TGM7: variants seen among roughly 807,000 people sequenced by gnomAD.
The protein encoded by TGM7 is protein-glutamine gamma-glutamyltransferase Z.
Under a neutral mutation model 79.5 loss-of-function variants are expected in TGM7, and 74 were observed. The ratio of observed to expected loss-of-function variants is 0.93; its 90% CI spans 0.77 to 1.13. The LOEUF is 1.13. Among genes scored for constraint, TGM7 ranks in the 50% most tolerant of loss-of-function variants. The pLI is 0.00. For missense variants in TGM7, 912 were observed against 905.9 expected (o/e 1.01, Z -0.09); for synonymous variants, 354 against 362.5 (o/e 0.98, Z 0.27).
chr15:43,276,374 T>G lies in TGM7; in HGVS notation c.*81A>C, dbSNP rs1596457798. 1 of 1,501,628 alleles carries G rather than the reference T, an allele frequency of 6.7e-7. No homozygotes were observed. The highest frequency in any genetic ancestry group is 2.3e-5 in the East Asian group (1 of 43,950). The allele number at this position is 1,501,628 out of a possible 1,614,324, so 93.0% of individuals were successfully genotyped here. A position where few individuals can be genotyped will look rare whatever the true frequency, so the allele number is the denominator to read the frequency against. The stretch of plus-strand genomic sequence containing the variant: ...AGGCAGGCTAGAGAGAGGACAGAGG[T>G]GGAGCCAAGACGACATAGCCAGGAG... On this transcript the variant is annotated 3_prime_UTR_variant, in exon 13 of 13. Coordinates refer to ENST00000452443, the MANE Select transcript of TGM7 (RefSeq NM_052955.3).
intron 1 of TGM7, among the ~76,000 whole-genome samples, chr15:43,296,180 C>T (rs2042991136): frequency 6.6e-6 from 1 of 152,204 alleles, no homozygotes; most frequent in Non-Finnish European, 1.5e-5. Flanking sequence ...AATCCCAGCA[C>T]TTTGGGAGGC....
chr15:43,282,186 C>T (rs1294041500), intron 8 of TGM7, 100 bp from the exon 9 acceptor site: 10 of 1,490,606 alleles, frequency 6.7e-6, no homozygotes, highest in African/African-American at 2.8e-5. Context: ...GACTCTCACC[C>T]GTGGGATATC....
In TGM7 at chr15:43,281,929, G is replaced by A; in HGVS notation, c.1266C>T (p.Thr422=). 6.2e-7 allele frequency: 1 copy of A among 1,614,204 alleles called. No individual in the cohort carries two copies. Among genetic ancestry groups the A allele is most frequent in the Non-Finnish European group, 8.5e-7 (1 of 1,180,032 alleles). ...TGCTGATCTCCTTCCCGATGGAACTGGTGTTGTGGGCCAGGATTTCCTGGG... is the reference window on the plus strand; with the variant it reads ...TGCTGATCTCCTTCCCGATGGAACTAGTGTTGTGGGCCAGGATTTCCTGGG... ...GQAQEILAHN[T]SSIGKEISTK... The change falls in exon 9 of 13, where the codon ACC becomes ACT. Residue 422 remains threonine (T), a synonymous_variant. Coordinates refer to ENST00000452443, the MANE Select transcript of TGM7 (RefSeq NM_052955.3).
intron 1 of TGM7, among the ~76,000 whole-genome samples, chr15:43,295,069 A>T (rs972287382): frequency 3.3e-5 from 5 of 151,848 alleles, no homozygotes; most frequent in African/African-American, 1.2e-4. Context: ...GCCCTACAGT[A>T]TTTTTTTTGT....
chr15:43,276,721 C>A, intron 12 of TGM7, 107 bp from the exon 13 acceptor site: 1 of 1,541,590 alleles, frequency 6.5e-7, no homozygotes, highest in South Asian at 1.3e-5. Context: ...ACCACCACCA[C>A]TGAGCTCAGC....
At chr15:43,282,402 CG>C (rs2042913981) in intron 8 of TGM7, 114 bp downstream of exon 8, 1 of 932,288 alleles carries the variant, frequency 1.1e-6, no homozygotes, top group East Asian at 2.7e-5. Flanking sequence ...GCTGGGACCT[CG>C]GGAAGAGGGT....
At position 43,297,477 on chromosome 15, in the gene TGM7, AAGAG is replaced by A. The variant is rs1327798565; in HGVS notation, c.11-3850_11-3847del. Reference sequence around the variant, plus strand: ...CAAAAAAGAGAGAAAGAGAGACAGAAAGAGAGAAAGAGAAAGAAAAAGAAAGAAA... The same window carrying A: ...CAAAAAAGAGAGAAAGAGAGACAGAAAGAAAGAGAAAGAAAAAGAAAGAAA... On this transcript the variant is annotated intron_variant, in intron 1 of 12. Transcript: ENST00000452443. Among the ~76,000 whole-genome samples, 283 of 148,444 alleles carry A rather than the reference AAGAG, an allele frequency of 1.9e-3. 1 individual carries two copies. Among genetic ancestry groups the A allele is most frequent in the African/African-American group, 6.8e-3 (265 of 38,782 alleles).
intron 1 of TGM7, among the ~76,000 whole-genome samples, chr15:43,295,886 T>C (rs2042989621): frequency 6.6e-6 from 1 of 152,230 alleles, no homozygotes. Flanking sequence ...GGCACTTAAA[T>C]AGATATGTTA....
chr15:43,282,703 CATT>C, intron 7 of TGM7, 83 bp from the exon 8 acceptor site: 1 of 1,066,142 alleles, frequency 9.4e-7, no homozygotes, highest in Non-Finnish European at 1.4e-6. Flanking sequence ...TGATTTATAT[CATT>C]GTTTCTTTTT....
intron 6 of TGM7, among the ~76,000 whole-genome samples, chr15:43,285,308 G>A (rs2042929645): frequency 6.6e-6 from 1 of 152,184 alleles, no homozygotes; most frequent in Non-Finnish European, 1.5e-5. Context: ...AGGCTGAGGC[G>A]GATCACGAGG....
intron 9 of TGM7, among the ~76,000 whole-genome samples, chr15:43,280,365 T>C (rs1438763317): frequency 3.3e-5 from 5 of 152,160 alleles, no homozygotes; most frequent in Admixed American, 6.5e-5. Context: ...GGCTCACACC[T>C]GTAATCCCAG....
rs2042970499 is a variant in TGM7, at chr15:43,292,844, GGA to G, written c.302_303del (p.Leu101ProfsTer41). On this transcript the variant is annotated frameshift_variant, in exon 3 of 13. Coordinates refer to ENST00000452443, the MANE Select transcript of TGM7 (RefSeq NM_052955.3). LOFTEE classifies it high-confidence loss of function. ...ASDFTIDSNS[L>X]QVSLFTPANA... The stretch of plus-strand genomic sequence containing the variant: ...TTGGCTGGTGTGAAAAGGGAAACTT[GGA>G]GAGAGTTGGAGTCAATGGTGAAATC... The G allele has an allele frequency of 6.2e-7, 1 of 1,613,990 alleles. No individual in the cohort carries two copies.
intron 2 of TGM7, 68 bp from the exon 3 acceptor site, chr15:43,293,022 T>C: frequency 6.4e-7 from 1 of 1,568,550 alleles, no homozygotes; most frequent in Non-Finnish European, 8.6e-7. Context: ...TCCAGGGGAG[T>C]CGGAAGGACC....
At position 43,287,541 on chromosome 15, in the gene TGM7, C is replaced by T. The variant is rs2042942070; in HGVS notation, c.687G>A (p.Met229Ile). The change falls in exon 5 of 13, where the codon ATG becomes ATA. Residue 229 changes from methionine to isoleucine, a missense_variant and splice_region_variant. Physicochemically the swap from Met to Ile is conservative, Grantham distance 10 (BLOSUM62 1). Transcript: ENST00000452443. The stretch of plus-strand genomic sequence containing the variant: ...GACGGCGGGAAGCATCCATCCTTAC[C>T]ATGGCACTCACCACCCTGCACACAT... Reference protein sequence around the residue: ...VVYVCRVVSAMINSNDDNGVL... With the variant: ...VVYVCRVVSAIINSNDDNGVL... The T allele has an allele frequency of 6.2e-7, 1 of 1,613,516 alleles. No homozygotes were observed. Among genetic ancestry groups the T allele is most frequent in the African/African-American group, 1.3e-5 (1 of 74,942 alleles).
At chr15:43,284,711 A>G (rs1478970452) in intron 7 of TGM7, 103 bp downstream of exon 7, 2 of 1,397,140 alleles carry the variant, frequency 1.4e-6, no homozygotes, top group African/African-American at 2.8e-5. Context: ...AGCAATGCTC[A>G]GGGCAATCTT....
At chr15:43,285,217 G>A (rs1341592722) in intron 6 of TGM7, among the ~76,000 whole-genome samples, 1 of 152,194 alleles carries the variant, frequency 6.6e-6, no homozygotes, top group Non-Finnish European at 1.5e-5. Context: ...TCATTTAGGA[G>A]TCTTTCCACT....
At chr15:43,295,208 A>C (rs2042986503) in intron 1 of TGM7, among the ~76,000 whole-genome samples, 1 of 152,230 alleles carries the variant, frequency 6.6e-6, no homozygotes, top group Non-Finnish European at 1.5e-5. Context: ...GTAATCAGTA[A>C]TAAGATGTTT....
intron 1 of TGM7, among the ~76,000 whole-genome samples, chr15:43,300,523 C>T (rs564877618): frequency 3.8e-4 from 58 of 152,160 alleles, no homozygotes; most frequent in Non-Finnish European, 7.1e-4. Context: ...AATGAAAGGC[C>T]GGGCGCGGTG....
intron 1 of TGM7, among the ~76,000 whole-genome samples, chr15:43,297,587 T>TAGAAAGAA (rs3038034): frequency 0.23 from 26,008 of 114,222 alleles, 3,153 homozygotes; most frequent in Non-Finnish European, 0.25. Flanking sequence ...TCTGCATGTA[T>TAGAAAGAA]AGAAAGAAAG....
Sources: gnomAD v4.1 joint callset for allele counts (sites outside exome capture counted in the v4.1 genomes callset) on GRCh38, gnomAD v4.1.1 for gene constraint, MANE v1.5 for transcripts, NCBI Gene and HGNC (gene_info 2026-07-23, HGNC 2026-07-21) for gene names.